The following NLGN1 variants were observed in gnomAD, a reference collection of about 807,000 sequenced individuals.
The protein encoded by NLGN1 is neuroligin 1.
NLGN1 carries 12 observed loss-of-function variants against 65.5 expected under a neutral mutation model. The observed-to-expected ratio is 0.18, with a 90% CI of 0.12 to 0.30. The LOEUF (loss-of-function observed/expected upper bound fraction) is 0.30, where lower values mean the gene tolerates loss of function less well. Ranked by LOEUF, NLGN1 falls within the 10% of genes least tolerant of loss-of-function variation. The pLI, the probability that NLGN1 is intolerant of heterozygous loss-of-function variation, is 1.00. For synonymous variants in NLGN1, 350 were observed against 359.5 expected (o/e 0.97, Z 0.30); for missense variants, 750 against 1,007.1 (o/e 0.74, Z 3.46).
chr3:174,178,896 G>T, intron 4 of NLGN1, among the ~76,000 whole-genome samples: 1 of 152,196 alleles, frequency 6.6e-6, no homozygotes, highest in East Asian at 1.9e-4. Context: ...AAAGAGATAA[G>T]AATAGAGGCA....
chr3:174,226,488 G>T (rs114616773), intron 4 of NLGN1, among the ~76,000 whole-genome samples: 1 of 152,042 alleles, frequency 6.6e-6, no homozygotes, highest in Non-Finnish European at 1.5e-5. Context: ...AGCATAACAC[G>T]GAAGTAATGA....
intron 4 of NLGN1, among the ~76,000 whole-genome samples, chr3:173,904,830 C>T (rs1267682093): frequency 1.3e-5 from 2 of 152,108 alleles, no homozygotes; most frequent in African/African-American, 4.8e-5. Flanking sequence ...AGAACAAGAA[C>T]AAGTTATTTT....
At chr3:173,628,495 T>C (rs1233495309) in intron 3 of NLGN1, among the ~76,000 whole-genome samples, 1 of 152,130 alleles carries the variant, frequency 6.6e-6, no homozygotes, top group African/African-American at 2.4e-5. Flanking sequence ...TAGAGAATAC[T>C]ACAAAGTAAA....
intron 4 of NLGN1, among the ~76,000 whole-genome samples, chr3:174,138,614 T>G (rs928935913): frequency 3.9e-5 from 6 of 151,988 alleles, no homozygotes; most frequent in African/African-American, 1.4e-4. Flanking sequence ...TTTTGTATTT[T>G]TAGTAGAGAT....
intron 3 of NLGN1, among the ~76,000 whole-genome samples, chr3:173,760,232 T>C (rs1777776390): frequency 6.6e-6 from 1 of 152,150 alleles, no homozygotes; most frequent in Admixed American, 6.6e-5. Flanking sequence ...TTTATCTATA[T>C]GCCTACTGAA....
intron 2 of NLGN1, among the ~76,000 whole-genome samples, chr3:173,476,103 G>A (rs1173237527): frequency 1.3e-5 from 2 of 152,130 alleles, no homozygotes; most frequent in African/African-American, 4.8e-5. Context: ...CTAAGGAGAA[G>A]GCCAAGAAGA....
rs531251673 is a variant in NLGN1, at chr3:174,057,284, T to C, written c.647-218031T>C. 7.8e-4 allele frequency among the ~76,000 whole-genome samples: 119 copies of C among 152,134 alleles called. 3 individuals are homozygous for C. In the South Asian group the frequency reaches 0.024, roughly 31 times the overall value. On this transcript the variant is annotated intron_variant, in intron 4 of 6. Transcript: ENST00000457714. Reference sequence around the variant, plus strand: ...TTTTGATGGGGACGGGGAAAACTTCTTGATAACTAGATGTGTGAATGCTAC... The same window carrying C: ...TTTTGATGGGGACGGGGAAAACTTCCTGATAACTAGATGTGTGAATGCTAC...
intron 4 of NLGN1, among the ~76,000 whole-genome samples, chr3:173,991,182 C>T (rs1378319516): frequency 6.6e-6 from 1 of 152,116 alleles, no homozygotes; most frequent in African/African-American, 2.4e-5. Flanking sequence ...CCTTCACTGC[C>T]ATAAAAATCC....
At chr3:173,920,627 A>C (rs1455747713) in intron 4 of NLGN1, 1 of 152,160 alleles carries the variant, frequency 6.6e-6, no homozygotes, top group African/African-American at 2.4e-5. Flanking sequence ...TCAAAGTTTA[A>C]GAGTCAGTAG....
intron 4 of NLGN1, among the ~76,000 whole-genome samples, chr3:174,178,279 A>G (rs1180306144): frequency 6.6e-6 from 1 of 152,118 alleles, no homozygotes; most frequent in African/African-American, 2.4e-5. Context: ...TTCCCAATAC[A>G]GTGTGTGTAG....
At chr3:173,626,219 A>G (rs952424471) in intron 3 of NLGN1, among the ~76,000 whole-genome samples, 11 of 152,078 alleles carry the variant, frequency 7.2e-5, no homozygotes, top group African/African-American at 1.9e-4. Flanking sequence ...TAAAATTTAA[A>G]TAGCTACCTA....
chr3:173,927,407 T>C (rs1743210469), intron 4 of NLGN1, among the ~76,000 whole-genome samples: 1 of 152,126 alleles, frequency 6.6e-6, no homozygotes. Context: ...TTTAGCCTAA[T>C]ATCTAAGCCA....
At chr3:173,827,622 T>TA in intron 4 of NLGN1, among the ~76,000 whole-genome samples, 1 of 143,286 alleles carries the variant, frequency 7.0e-6, no homozygotes, top group South Asian at 2.4e-4. Context: ...TCATATATAT[T>TA]TATGATATGT....
intron 3 of NLGN1, among the ~76,000 whole-genome samples, chr3:173,771,429 T>A (rs1050336094): frequency 6.6e-6 from 1 of 152,176 alleles, no homozygotes; most frequent in African/African-American, 2.4e-5. Flanking sequence ...TTGAGCACAT[T>A]GAGGAATGTT....
chr3:173,456,978 C>T (rs1426956741), intron 2 of NLGN1, among the ~76,000 whole-genome samples: 1 of 152,038 alleles, frequency 6.6e-6, no homozygotes, highest in African/African-American at 2.4e-5. Context: ...TCAGGGAGAA[C>T]CATGGGAGGG....
intron 4 of NLGN1, among the ~76,000 whole-genome samples, chr3:173,933,931 A>T (rs1463041247): frequency 6.6e-6 from 1 of 151,966 alleles, no homozygotes; most frequent in African/African-American, 2.4e-5. Context: ...TATATATTAT[A>T]AGTGAATAAG....
At chr3:173,713,094 T>C (rs527548155) in intron 3 of NLGN1, among the ~76,000 whole-genome samples, 92 of 152,278 alleles carry the variant, frequency 6.0e-4, no homozygotes, top group Middle Eastern at 3.4e-3. Flanking sequence ...CAAGGTTGCA[T>C]TTTTATAATT....
intron 4 of NLGN1, among the ~76,000 whole-genome samples, chr3:174,023,510 C>G (rs1395512885): frequency 6.6e-6 from 1 of 152,070 alleles, no homozygotes; most frequent in African/African-American, 2.4e-5. Context: ...TGGAAAATCT[C>G]AAGGGGATTA....
At chr3:174,239,998 A>G (rs947100758) in intron 4 of NLGN1, among the ~76,000 whole-genome samples, 2 of 152,216 alleles carry the variant, frequency 1.3e-5, no homozygotes, top group Non-Finnish European at 2.9e-5. Context: ...TTAGAAATTG[A>G]CACTCTTTAT....
Sources: allele counts gnomAD v4.1 joint callset (sites outside exome capture counted in the v4.1 genomes callset), GRCh38; gene constraint gnomAD v4.1.1; transcripts MANE v1.5; gene names NCBI Gene and HGNC (gene_info 2026-07-23, HGNC 2026-07-21).